TMEM184B: variants seen among roughly 807,000 people sequenced by gnomAD.
TMEM184B encodes the protein transmembrane protein 184B, also known as putative MAPK-activating protein FM08.
TMEM184B carries 17 observed loss-of-function variants against 41.8 expected under a neutral mutation model. The ratio of observed to expected loss-of-function variants is 0.41; its 90% CI spans 0.28 to 0.61. The LOEUF is 0.61. Among genes scored for constraint, TMEM184B ranks in the 20% least tolerant of loss-of-function variants. TMEM184B has a pLI of 0.34. For synonymous variants in TMEM184B, 240 were observed against 229.5 expected, an observed-to-expected ratio of 1.05 and a Z score of -0.41; for missense variants, 393 against 557.8, an observed-to-expected ratio of 0.70 and a Z score of 2.98.
At chr22:38,222,522 C>G (rs1402354376) in intron 8 of TMEM184B, 3 of 922,344 alleles carry the variant, frequency 3.3e-6, no homozygotes, top group Admixed American at 6.2e-5. Context: ...CGCTCCCACC[C>G]AGGGGGTGCC....
intron 1 of TMEM184B, chr22:38,272,483 C>T (rs1009269075): frequency 1.0e-6 from 1 of 985,660 alleles, no homozygotes; most frequent in African/African-American, 1.7e-5. Context: ...AGGGCACGGA[C>T]GCCTCCCCCA....
intron 8 of TMEM184B, chr22:38,223,265 G>A (rs1454699043): frequency 6.6e-6 from 1 of 152,300 alleles, no homozygotes; most frequent in East Asian, 1.9e-4. Context: ...CCCCTCTGCT[G>A]AGCCCCAGTG....
intron 1 of TMEM184B, among the ~76,000 whole-genome samples, chr22:38,257,324 G>C (rs2092298588): frequency 6.6e-6 from 1 of 152,136 alleles, no homozygotes; most frequent in Non-Finnish European, 1.5e-5. Flanking sequence ...AACGTGATTG[G>C]CATCAGGGAG....
At chr22:38,258,893 T>G (rs1452528013) in intron 1 of TMEM184B, among the ~76,000 whole-genome samples, 1 of 152,152 alleles carries the variant, frequency 6.6e-6, no homozygotes, top group African/African-American at 2.4e-5. Flanking sequence ...TCCAGAACTG[T>G]AGGGAGGCTG....
At chr22:38,247,237 T>C (rs2092052774) in intron 2 of TMEM184B, among the ~76,000 whole-genome samples, 1 of 152,256 alleles carries the variant, frequency 6.6e-6, no homozygotes, top group African/African-American at 2.4e-5. Context: ...CCTGTGCTCC[T>C]GCAGTTCTAG....
chr22:38,265,258 C>T (rs1333790581), intron 1 of TMEM184B, among the ~76,000 whole-genome samples: 1 of 152,224 alleles, frequency 6.6e-6, no homozygotes, highest in African/African-American at 2.4e-5. Context: ...TCCACTGAGC[C>T]TCAGCCCAAC....
downstream of TMEM184B, among the ~76,000 whole-genome samples, chr22:38,216,995 C>G (rs1416197730): frequency 1.3e-5 from 2 of 151,890 alleles, no homozygotes; most frequent in Non-Finnish European, 2.9e-5. Flanking sequence ...CCAGGCTGGG[C>G]AACATAGCAA....
intron 8 of TMEM184B, chr22:38,222,547 G>A: frequency 2.0e-6 from 2 of 976,988 alleles, no homozygotes; most frequent in East Asian, 1.1e-4. Context: ...GGGAGGAGAT[G>A]AGGACACGGA....
chr22:38,231,412 G>T, intron 3 of TMEM184B, 78 bp from the exon 4 acceptor site: 3 of 1,179,866 alleles, frequency 2.5e-6, no homozygotes, highest in Non-Finnish European at 3.8e-6. Context: ...AAACAGCAAT[G>T]GAGGTGAAAG....
Position 38,220,169 on chromosome 22 carries a change from AGCCCAGCCTGCTGGGGGTTCC to A in TMEM184B, c.*1279_*1299del. ...TCTTCCTAAGTCAGGAGCTAGTATA[AGCCCAGCCTGCTGGGGGTTCC>A]GGAGGCCCCAGGTCTAGAGGTGTGG... On this transcript the variant is annotated 3_prime_UTR_variant, in exon 9 of 9. Transcript: ENST00000361906. 1 of 985,540 alleles carries A rather than the reference AGCCCAGCCTGCTGGGGGTTCC, an allele frequency of 1.0e-6. No homozygotes were observed. 61.0% of individuals were successfully genotyped at this position (985,540 alleles called of 1,614,324 possible).
At chr22:38,238,940 T>G (rs1326108195) in intron 3 of TMEM184B, among the ~76,000 whole-genome samples, 1 of 152,196 alleles carries the variant, frequency 6.6e-6, no homozygotes, top group East Asian at 1.9e-4. Flanking sequence ...GAGAATGAGC[T>G]AACAGTGATG....
chr22:38,272,642 G>A (rs2092542685), intron 1 of TMEM184B: 1 of 985,516 alleles, frequency 1.0e-6, no homozygotes, highest in Non-Finnish European at 1.2e-6. Context: ...CCACGTTGGC[G>A]TGGAAAGGGA....
downstream of TMEM184B, among the ~76,000 whole-genome samples, chr22:38,217,063 A>T (rs958384211): frequency 1.3e-5 from 2 of 152,102 alleles, no homozygotes; most frequent in African/African-American, 4.8e-5. Context: ...GCAGTGGCTC[A>T]CACCTGTAAT....
chr22:38,221,985 C>A lies in TMEM184B; in HGVS notation c.983-275G>T. ...GCTGGGCTGGCTGCAGGGAAGGGAC[C>A]CAGGGTGGAGACTGGCAAGCTATGG... is the stretch of plus-strand genomic sequence containing the variant. On this transcript the variant is annotated intron_variant, in intron 8 of 8. Coordinates refer to ENST00000361906, the MANE Select transcript of TMEM184B (RefSeq NM_012264.5). The A allele has an allele frequency of 7.8e-6, 4 of 514,278 alleles. No individual in the cohort carries two copies. The East Asian group carries it at 1.4e-4, about 18-fold the overall frequency. The allele number at this position is 514,278 out of a possible 1,614,324, so 31.9% of individuals were successfully genotyped here.
chr22:38,220,492 T>C lies in TMEM184B; in HGVS notation c.*977A>G, dbSNP rs2146041245. On this transcript the variant is annotated 3_prime_UTR_variant, in exon 9 of 9. Transcript: ENST00000361906. ...TTCCCCCCACCTCCCAGCTCCCCAC[T>C]GTGTGGCCACCCCTCCCGGTCTCCC... is the stretch of plus-strand genomic sequence containing the variant. The C allele has an allele frequency of 2.0e-6, 2 of 985,858 alleles. No individual in the cohort carries two copies. The highest frequency in any genetic ancestry group is 1.2e-6 in the Non-Finnish European group (1 of 830,042). 61.1% of individuals were successfully genotyped at this position (985,858 alleles called of 1,614,324 possible).
chr22:38,243,335 C>T (rs1484868162), intron 3 of TMEM184B, among the ~76,000 whole-genome samples: 1 of 152,180 alleles, frequency 6.6e-6, no homozygotes, highest in Non-Finnish European at 1.5e-5. Context: ...GGAGGCTCCC[C>T]TGGCTGTGTG....
chr22:38,222,679 C>T, intron 8 of TMEM184B: 2 of 985,660 alleles, frequency 2.0e-6, no homozygotes, highest in Non-Finnish European at 2.4e-6. Context: ...GCGGCCAAAC[C>T]CCGGGCAAAA....
At chr22:38,218,825 C>T (rs1202270851), downstream of TMEM184B, among the ~76,000 whole-genome samples, 1 of 152,216 alleles carries the variant, frequency 6.6e-6, no homozygotes, top group Non-Finnish European at 1.5e-5. Context: ...GCAAGCCAGG[C>T]CCCAAGAAGG....
chr22:38,258,406 T>C (rs1455788817), intron 1 of TMEM184B, among the ~76,000 whole-genome samples: 3 of 151,880 alleles, frequency 2.0e-5, no homozygotes, highest in Admixed American at 6.6e-5. Context: ...GTTCAAGCGA[T>C]TCTCCTGCCT....
Sources: gnomAD v4.1 joint callset for allele counts (sites outside exome capture counted in the v4.1 genomes callset) on GRCh38, gnomAD v4.1.1 for gene constraint, MANE v1.5 for transcripts, NCBI Gene and HGNC (gene_info 2026-07-23, HGNC 2026-07-21) for gene names.